Variants in NDUFAF6 observed in about 807,000 individuals in gnomAD.
NDUFAF6 encodes NADH:ubiquinone oxidoreductase complex assembly factor 6.
A neutral mutation model predicts 40.8 loss-of-function variants in NDUFAF6; 45 were observed. The observed-to-expected ratio is 1.10, with a 90% CI of 0.87 to 1.42. The LOEUF (loss-of-function observed/expected upper bound fraction) is 1.42, where lower values mean the gene tolerates loss of function less well. NDUFAF6 is among the 40% of genes most tolerant of loss of function. The pLI, the probability that NDUFAF6 is intolerant of heterozygous loss-of-function variation, is 0.00. For missense variants in NDUFAF6, 435 were observed against 418.5 expected (o/e 1.04, Z -0.34); for synonymous variants, 185 against 155.9 (o/e 1.19, Z -1.39).
intron 8 of NDUFAF6, among the ~76,000 whole-genome samples, chr8:95,054,289 A>G (rs924672124): frequency 2.4e-4 from 37 of 151,772 alleles, no homozygotes; most frequent in Non-Finnish European, 8.8e-5. Context: ...CCTAAAAACT[A>G]CTGTCATAGA....
chr8:94,965,117 G>C lies in NDUFAF6; in HGVS notation c.-199+6938G>C, dbSNP rs1051985231. 2.0e-5 allele frequency among the ~76,000 whole-genome samples: 3 copies of C among 152,328 alleles called. No individual in the cohort carries two copies. The East Asian group carries it at 5.8e-4, about 29-fold the overall frequency. Reference sequence around the variant, plus strand: ...CTGCAGTCAACTCTGTGGTCATCCTGCCCAGTCGGCCCTGAGGCTGAGAAC... The same window carrying C: ...CTGCAGTCAACTCTGTGGTCATCCTCCCCAGTCGGCCCTGAGGCTGAGAAC... On this transcript the variant is annotated intron_variant, in intron 1 of 9. Coordinates refer to the NDUFAF6 transcript ENST00000396111.
chr8:95,118,052 C>T (rs1028407182), downstream of NDUFAF6, among the ~76,000 whole-genome samples: 8 of 152,336 alleles, frequency 5.3e-5, 1 homozygote, highest in Non-Finnish European at 1.5e-5. Flanking sequence ...ACTGGAGCTG[C>T]AGTCACCCTA....
intron 8 of NDUFAF6, chr8:95,055,384 A>G (rs1205463292): frequency 6.6e-6 from 1 of 152,194 alleles, no homozygotes; most frequent in East Asian, 1.9e-4. Flanking sequence ...GTTTTTGGAA[A>G]TGAATTTTTA....
upstream of NDUFAF6, among the ~76,000 whole-genome samples, chr8:95,022,644 C>A (rs1827738641): frequency 6.8e-6 from 1 of 147,262 alleles, no homozygotes; most frequent in African/African-American, 2.5e-5. Context: ...ACGAGAGAAA[C>A]CAGAAGGACT....
chr8:94,898,079 A>C (rs1283627445), intron 1 of NDUFAF6, among the ~76,000 whole-genome samples: 2 of 152,182 alleles, frequency 1.3e-5, no homozygotes, highest in African/African-American at 4.8e-5. Context: ...GAGCAGGTGG[A>C]ACAGGACTTC....
At chr8:95,072,088 A>G (rs1231157012) in intron 9 of NDUFAF6, 2 of 152,194 alleles carry the variant, frequency 1.3e-5, no homozygotes. Flanking sequence ...ACCCCCAGAA[A>G]TTAATCTTCG....
downstream of NDUFAF6, among the ~76,000 whole-genome samples, chr8:95,106,572 G>A (rs1364521726): frequency 6.6e-6 from 1 of 152,168 alleles, no homozygotes; most frequent in Non-Finnish European, 1.5e-5. Context: ...AGAGGCATGG[G>A]CAAAGACTTC....
At chr8:95,068,482 A>G (rs1832754801) in intron 9 of NDUFAF6, 1 of 151,864 alleles carries the variant, frequency 6.6e-6, no homozygotes, top group East Asian at 1.9e-4. Flanking sequence ...GTGAATCCCC[A>G]TTTCACAGAT....
In NDUFAF6 at chr8:95,092,406, T is replaced by C. The variant is rs181544846; in HGVS notation, n.214-8726T>C. Among the ~76,000 whole-genome samples the C allele has an allele frequency of 8.8e-3, 1,336 of 151,982 alleles. 11 individuals are homozygous for C. Among genetic ancestry groups the C allele is most frequent in the Non-Finnish European group, 0.014 (977 of 67,970 alleles). On this transcript the variant is annotated intron_variant and non_coding_transcript_variant, in intron 2 of 5. Transcript: ENST00000523184. ...CATGTTGGACAGGCTGGCCTTGAACTCCTGATCTCAAGTGAGCCACCCGCC... is the reference window on the plus strand; with the variant it reads ...CATGTTGGACAGGCTGGCCTTGAACCCCTGATCTCAAGTGAGCCACCCGCC...
At chr8:95,039,182 C>T (rs1352018041) in intron 3 of NDUFAF6, among the ~76,000 whole-genome samples, 6 of 151,208 alleles carry the variant, frequency 4.0e-5, no homozygotes, top group Non-Finnish European at 7.4e-5. Flanking sequence ...TGGCCAGGCA[C>T]GTTGGCTCAC....
chr8:95,026,657 A>G (rs944794843), intron 1 of NDUFAF6, among the ~76,000 whole-genome samples: 2 of 152,224 alleles, frequency 1.3e-5, no homozygotes, highest in African/African-American at 4.8e-5. Context: ...TTAAGTTGCC[A>G]GAGTATACCA....
intron 1 of NDUFAF6, among the ~76,000 whole-genome samples, chr8:94,944,020 G>C (rs1821783472): frequency 6.6e-6 from 1 of 152,200 alleles, no homozygotes; most frequent in Non-Finnish European, 1.5e-5. Flanking sequence ...TGTAAATAAA[G>C]ATTTTTGAGG....
At chr8:94,985,071 C>A (rs531298287) in intron 2 of NDUFAF6, among the ~76,000 whole-genome samples, 1 of 152,124 alleles carries the variant, frequency 6.6e-6, no homozygotes, top group Non-Finnish European at 1.5e-5. Context: ...AGGGGATGGC[C>A]ATGTAATCCA....
intron 1 of NDUFAF6, among the ~76,000 whole-genome samples, chr8:94,903,556 T>TA (rs1241681935): frequency 1.3e-5 from 2 of 152,220 alleles, no homozygotes; most frequent in African/African-American, 4.8e-5. Context: ...GATACATACT[T>TA]ACGCAGTAAT....
chr8:95,044,017 A>G (rs2131872412), intron 4 of NDUFAF6, among the ~76,000 whole-genome samples: 1 of 152,352 alleles, frequency 6.6e-6, no homozygotes, highest in East Asian at 1.9e-4. Flanking sequence ...GTTAAACAAA[A>G]TGTTGTATAT....
At chr8:95,053,526 A>T (rs1170852762) in intron 8 of NDUFAF6, among the ~76,000 whole-genome samples, 2 of 152,176 alleles carry the variant, frequency 1.3e-5, no homozygotes, top group East Asian at 3.8e-4. Flanking sequence ...CTTTAAAAAG[A>T]CCTAAACAAT....
chr8:94,992,156 G>A (rs1826223393), intron 2 of NDUFAF6, among the ~76,000 whole-genome samples: 1 of 152,094 alleles, frequency 6.6e-6, no homozygotes, highest in Non-Finnish European at 1.5e-5. Context: ...CAGAAGGTAG[G>A]ATAGGTGGGC....
chr8:94,916,969 C>T (rs1203587411), intron 1 of NDUFAF6, among the ~76,000 whole-genome samples: 3 of 151,468 alleles, frequency 2.0e-5, no homozygotes, highest in Non-Finnish European at 4.4e-5. Flanking sequence ...AAAAAATTAG[C>T]CAGGCATGGT....
upstream of NDUFAF6, among the ~76,000 whole-genome samples, chr8:94,956,123 A>G (rs913549377): frequency 4.6e-5 from 7 of 152,172 alleles, no homozygotes; most frequent in African/African-American, 1.4e-4. Context: ...TTCCTGTTGC[A>G]TAAAATGGGG....
Sources: allele counts gnomAD v4.1 joint callset (sites outside exome capture counted in the v4.1 genomes callset), GRCh38; gene constraint gnomAD v4.1.1; transcripts MANE v1.5; gene names NCBI Gene and HGNC (gene_info 2026-07-23, HGNC 2026-07-21).